The following LAMC3 variants were observed in gnomAD, a reference collection of about 807,000 sequenced individuals.
LAMC3 encodes the protein laminin subunit gamma-3.
In LAMC3, 128 loss-of-function variants were observed where a neutral mutation model predicts 173.8. The observed-to-expected ratio is 0.74, with a 90% CI of 0.64 to 0.85. The LOEUF (loss-of-function observed/expected upper bound fraction) is 0.85. Ranked by LOEUF, LAMC3 falls within the 40% of genes least tolerant of loss-of-function variation. The pLI is 0.00. For synonymous variants in LAMC3, 897 were observed against 909.1 expected (o/e 0.99, Z 0.24); for missense variants, 2,022 against 2,156.0 (o/e 0.94, Z 1.23).
rs143492588 is a variant in LAMC3 at position 131,017,287 on chromosome 9, C to G, written c.373+7700C>G. Among the ~76,000 whole-genome samples, 86 of 152,194 alleles carry G rather than the reference C, an allele frequency of 5.7e-4. No homozygotes were observed. The Middle Eastern group carries it at 0.01, about 18-fold the overall frequency. On this transcript the variant is annotated intron_variant, in intron 1 of 27. Coordinates refer to ENST00000361069, the MANE Select transcript of LAMC3 (RefSeq NM_006059.4). ...GGTAGCTGGCAGCTAGAAGCGTGAT[C>G]GGAAAAAGGCAGTCACTGGGAGTTC...
At position 131,091,625 on chromosome 9, in the gene LAMC3, G is replaced by C. The variant is rs768866817; in HGVS notation, c.4566G>C (p.Pro1522=). ...GCCTGAGGCTGCAGCTGGGCTCCCCGGGGTCCTTGCAGAGGAAACTCAGTC... is the reference window on the plus strand; with the variant it reads ...GCCTGAGGCTGCAGCTGGGCTCCCCCGGGTCCTTGCAGAGGAAACTCAGTC... ...LERLRLQLGS[P]GSLQRKLSLL... The change falls in exon 28 of 28, where the codon CCG becomes CCC. Residue 1522 remains proline (P), a synonymous_variant. Coordinates refer to ENST00000361069, the MANE Select transcript of LAMC3 (RefSeq NM_006059.4). 8.1e-6 allele frequency: 13 copies of C among 1,597,914 alleles called. 1 individual carries two copies. The highest frequency in any genetic ancestry group is 3.3e-4 in the Middle Eastern group (2 of 6,056).
In LAMC3 at chr9:131,052,926, A is replaced by G. The variant is rs1564377303; in HGVS notation, c.1900A>G (p.Ser634Gly). 1.9e-6 allele frequency: 3 copies of G among 1,613,330 alleles called. No individual in the cohort carries two copies. The highest frequency in any genetic ancestry group is 2.5e-6 in the Non-Finnish European group (3 of 1,179,886). Reference sequence around the variant, plus strand: ...CCAGCGGCTCCTCGCCAACCTGACCAGCCTCCGCCTCCGCGTCAGTCCCGG... The same window carrying G: ...CCAGCGGCTCCTCGCCAACCTGACCGGCCTCCGCCTCCGCGTCAGTCCCGG... ...HFQRLLANLT[S>G]LRLRVSPGPS... Residue 634 changes from serine to glycine, a missense_variant, in exon 11 of 28, where the codon AGC becomes GGC. Coordinates refer to ENST00000361069, the MANE Select transcript of LAMC3 (RefSeq NM_006059.4).
chr9:131,054,624 T>G (rs1003272263), intron 11 of LAMC3, among the ~76,000 whole-genome samples: 1 of 151,958 alleles, frequency 6.6e-6, no homozygotes, highest in Non-Finnish European at 1.5e-5. Flanking sequence ...TATGGTGGCA[T>G]GTGCCTGTAA....
Position 131,045,657 on chromosome 9 carries a change from C to A in LAMC3, c.1516C>A (p.Gln506Lys). 1 of 1,614,168 alleles carries A rather than the reference C, an allele frequency of 6.2e-7. No homozygotes were observed. Among genetic ancestry groups the A allele is most frequent in the Non-Finnish European group, 8.5e-7 (1 of 1,180,036 alleles). Residue 506 changes from glutamine (Q) to lysine (K), a missense_variant, in exon 8 of 28, where the codon CAG becomes AAG. Physicochemically the swap from Gln to Lys is moderately conservative, Grantham distance 53. Transcript: ENST00000361069. ...GCATCACATCCTCAGCGATTTCCAC[C>A]AGGGTAAGAGATGCTCCCTGCAAAC... ...QVHHILSDFHQGAEGWWARSV... is the reference protein window; with the variant it reads ...QVHHILSDFHKGAEGWWARSV...
intron 12 of LAMC3, among the ~76,000 whole-genome samples, chr9:131,058,315 C>A (rs1470352440): frequency 6.6e-6 from 1 of 152,010 alleles, no homozygotes; most frequent in East Asian, 2.0e-4. Context: ...GGCGTTTTAC[C>A]ATGTTGAGGC....
chr9:131,093,973 C>G lies in LAMC3; in HGVS notation c.*2186C>G, dbSNP rs1312292542. 1 of 152,202 alleles carries G rather than the reference C, an allele frequency of 6.6e-6. No individual in the cohort carries two copies. The highest frequency in any genetic ancestry group is 1.5e-5 in the Non-Finnish European group (1 of 68,114). 9.4% of individuals were successfully genotyped at this position (152,202 alleles called of 1,614,324 possible). A position where few individuals can be genotyped will look rare whatever the true frequency, so the allele number is the denominator to read the frequency against. On this transcript the variant is annotated 3_prime_UTR_variant, in exon 28 of 28. Coordinates refer to ENST00000361069, the MANE Select transcript of LAMC3 (RefSeq NM_006059.4). Reference sequence around the variant, plus strand: ...GGACTACAGGTGCTTGCCACCATGCCCAGCTAATTTTGGTATTTTTAGTAG... The same window carrying G: ...GGACTACAGGTGCTTGCCACCATGCGCAGCTAATTTTGGTATTTTTAGTAG...
intron 25 of LAMC3, 122 bp downstream of exon 25, chr9:131,085,845 G>C: frequency 1.1e-6 from 1 of 882,168 alleles, no homozygotes; most frequent in Non-Finnish European, 1.9e-6. Flanking sequence ...AGTGGGCCCA[G>C]GCAATTAGCT....
intron 17 of LAMC3, 60 bp from the exon 18 acceptor site, chr9:131,071,424 T>C (rs376698985): frequency 3.9e-5 from 62 of 1,591,262 alleles, no homozygotes; most frequent in East Asian, 2.7e-4. Flanking sequence ...CCAGCGGGAG[T>C]GTCTGGGCAG....
Position 131,065,844 on chromosome 9 carries a change from A to G in LAMC3, c.2348-1116A>G, listed in dbSNP as rs554725543. Among the ~76,000 whole-genome samples, 4 of 152,182 alleles carry G rather than the reference A, an allele frequency of 2.6e-5. No homozygotes were observed. In the South Asian group the frequency reaches 8.3e-4, roughly 32 times the overall value. On this transcript the variant is annotated intron_variant, in intron 13 of 27. Transcript: ENST00000361069. ...GATGATGAGAATAATGGTCAAGATG[A>G]TGATGATGGAGGAAGGTGATGATGA... is the stretch of plus-strand genomic sequence containing the variant.
intron 17 of LAMC3, among the ~76,000 whole-genome samples, chr9:131,070,435 G>A (rs540377642): frequency 4.6e-5 from 7 of 152,344 alleles, no homozygotes; most frequent in African/African-American, 1.2e-4. Context: ...ACTGAAGGCC[G>A]GGTGCTGTGG....
intron 3 of LAMC3, among the ~76,000 whole-genome samples, chr9:131,033,724 AC>A (rs1833890759): frequency 6.6e-6 from 1 of 152,006 alleles, no homozygotes; most frequent in South Asian, 2.1e-4. Context: ...GGCAGCTTGG[AC>A]CAGAGGGCTG....
At chr9:131,058,570 GA>G (rs974674595) in intron 12 of LAMC3, among the ~76,000 whole-genome samples, 1 of 152,058 alleles carries the variant, frequency 6.6e-6, no homozygotes, top group African/African-American at 2.4e-5. Context: ...GGGGCTGTCT[GA>G]GAAGAAGGCT....
At chr9:131,010,827 C>G (rs1043503117) in intron 1 of LAMC3, among the ~76,000 whole-genome samples, 1 of 152,198 alleles carries the variant, frequency 6.6e-6, no homozygotes, top group Admixed American at 6.5e-5. Context: ...GACCCAGCCC[C>G]GGTTCTCAGC....
chr9:131,059,447 G>T (rs956788278), intron 12 of LAMC3, among the ~76,000 whole-genome samples: 1 of 137,004 alleles, frequency 7.3e-6, no homozygotes, highest in Admixed American at 7.9e-5. Flanking sequence ...AGCCGAGATC[G>T]CGCCACTGCA....
chr9:131,061,911 T>C (rs1332347270), intron 13 of LAMC3, among the ~76,000 whole-genome samples: 4 of 151,686 alleles, frequency 2.6e-5, no homozygotes, highest in African/African-American at 9.7e-5. Flanking sequence ...ATTAGCTGGG[T>C]GTGGTGGCAT....
In LAMC3 at chr9:131,075,846, C is replaced by T. The variant is rs1432931756; in HGVS notation, c.3510C>T (p.Ala1170=). 1.2e-6 allele frequency: 2 copies of T among 1,611,966 alleles called. No homozygotes were observed. Among genetic ancestry groups the T allele is most frequent in the East Asian group, 2.2e-5 (1 of 44,852 alleles). Residue 1170 remains alanine (A), a synonymous_variant, in exon 21 of 28, where the codon GCC becomes GCT. Transcript: ENST00000361069. ...RALARSHRDT[A]TKIAATAWRA... The stretch of plus-strand genomic sequence containing the variant: ...CCTCACACAGCCACAGAGACACCGC[C>T]ACCAAGATCGCAGCCACTGCTTGGA...
Position 131,072,818 on chromosome 9 carries a change from G to T in LAMC3, c.3400G>T (p.Ala1134Ser). 6.2e-7 allele frequency: 1 copy of T among 1,611,684 alleles called. No homozygotes were observed. The highest frequency in any genetic ancestry group is 8.5e-7 in the Non-Finnish European group (1 of 1,179,144). The stretch of plus-strand genomic sequence containing the variant: ...GGAAGAGGAGATTCTGCATGCAGCT[G>T]CCATTCTCGCGTCTCTGGTATCCCA... ...SSEEEILHAAAILASLEIPQE... is the reference protein window; with the variant it reads ...SSEEEILHAASILASLEIPQE... The change falls in exon 19 of 28, where the codon GCC becomes TCC. Residue 1134 changes from alanine to serine, a missense_variant. Coordinates refer to ENST00000361069, the MANE Select transcript of LAMC3 (RefSeq NM_006059.4).
chr9:131,013,910 G>A (rs189285898), intron 1 of LAMC3, among the ~76,000 whole-genome samples: 29 of 152,236 alleles, frequency 1.9e-4, no homozygotes, highest in Admixed American at 1.3e-4. Context: ...TCTTCCTGTC[G>A]AGTGGGCGGC....
chr9:131,046,157 T>G (rs1204028900), intron 8 of LAMC3, among the ~76,000 whole-genome samples: 1 of 151,632 alleles, frequency 6.6e-6, no homozygotes, highest in African/African-American at 2.4e-5. Context: ...AGCACTGCAT[T>G]TGTCAGCTCC....
Sources: gnomAD v4.1 joint callset for allele counts (sites outside exome capture counted in the v4.1 genomes callset) on GRCh38, gnomAD v4.1.1 for gene constraint, MANE v1.5 for transcripts, NCBI Gene and HGNC (gene_info 2026-07-23, HGNC 2026-07-21) for gene names.